Variants in SMC5 observed in about 807,000 individuals in gnomAD.
The protein encoded by SMC5 is structural maintenance of chromosomes protein 5.
In SMC5, 88 loss-of-function variants were observed where a neutral mutation model predicts 148.3. That is an observed-to-expected ratio of 0.59 (90% CI 0.50 to 0.71). The LOEUF is 0.71. Among genes scored for constraint, SMC5 ranks in the 30% least tolerant of loss-of-function variants. SMC5 has a pLI of 0.00. For missense variants in SMC5, 1,142 were observed against 1,298.9 expected (o/e 0.88, Z 1.86); for synonymous variants, 421 against 432.8 (o/e 0.97, Z 0.34).
chr9:70,318,540 G>T lies in SMC5; in HGVS notation c.1833G>T (p.Gln611His), dbSNP rs2035867568. 1 of 1,609,352 alleles carries T rather than the reference G, an allele frequency of 6.2e-7. No individual in the cohort carries two copies. The highest frequency in any genetic ancestry group is 1.3e-5 in the African/African-American group (1 of 74,730). ...ERVIQETRLK[Q>H]IYTAEEKYVV... The stretch of plus-strand genomic sequence containing the variant: ...TAATACAAGAAACCCGATTAAAACA[G>T]ATTTATACAGCAGAAGAAAAGTATG... The change falls in exon 14 of 25, where the codon CAG (glutamine) becomes CAT (histidine). Residue 611 changes from glutamine to histidine, a missense_variant. Physicochemically the swap from Gln to His is conservative, Grantham distance 24. Transcript: ENST00000361138.
chr9:70,344,469 T>G, intron 18 of SMC5, 200 bp downstream of exon 18: 1 of 230,978 alleles, frequency 4.3e-6, no homozygotes, highest in Non-Finnish European at 8.4e-6. Context: ...ACTATAACAT[T>G]TATTCTTCCA....
chr9:70,266,770 A>G (rs2034302561), intron 2 of SMC5, among the ~76,000 whole-genome samples: 1 of 152,212 alleles, frequency 6.6e-6, no homozygotes, highest in Non-Finnish European at 1.5e-5. Context: ...CACCATCTGT[A>G]TGGATACTTT....
chr9:70,313,714 G>A (rs942721876), intron 11 of SMC5, among the ~76,000 whole-genome samples: 11 of 152,024 alleles, frequency 7.2e-5, no homozygotes, highest in Non-Finnish European at 2.9e-5. Context: ...TGGTCGGGCT[G>A]GTCTTGAACT....
chr9:70,318,467 C>T (rs780258720), intron 13 of SMC5, 47 bp from the exon 14 acceptor site: 42 of 1,356,930 alleles, frequency 3.1e-5, no homozygotes, highest in Non-Finnish European at 4.1e-5. Context: ...TACTTTAAAA[C>T]ATATAATTTA....
chr9:70,319,362 C>T (rs2035891243), intron 15 of SMC5, among the ~76,000 whole-genome samples: 1 of 152,014 alleles, frequency 6.6e-6, no homozygotes, highest in Non-Finnish European at 1.5e-5. Flanking sequence ...TATGTGTTAA[C>T]ATAAAAATGT....
intron 10 of SMC5, among the ~76,000 whole-genome samples, chr9:70,301,067 C>G (rs1389156869): frequency 6.6e-6 from 1 of 151,996 alleles, no homozygotes; most frequent in African/African-American, 2.4e-5. Flanking sequence ...ATAACATTCT[C>G]TTATTCACAT....
At chr9:70,322,284 C>A (rs2035968034) in intron 15 of SMC5, among the ~76,000 whole-genome samples, 1 of 152,152 alleles carries the variant, frequency 6.6e-6, no homozygotes, top group Admixed American at 6.5e-5. Context: ...AAACGCTCAA[C>A]CTTTATTGCG....
intron 18 of SMC5, chr9:70,344,651 A>G (rs2036619292): frequency 6.6e-6 from 1 of 152,098 alleles, no homozygotes; most frequent in African/African-American, 2.4e-5. Flanking sequence ...TGAGAGCTGA[A>G]TATTTAAGGC....
chr9:70,352,201 A>G lies in SMC5; in HGVS notation c.3176A>G (p.Asn1059Ser), dbSNP rs774193877. The change falls in exon 25 of 25, where the codon AAT becomes AGT. Residue 1059 changes from asparagine to serine, a missense_variant. This residue lies in a region of SMC5 where 63 missense variants were observed against 65.7 expected (regional missense o/e 0.96). Transcript: ENST00000361138. ...TTTTAATACTTACAGCTCCTGCAAAATCTTCCTTATTCTGAAAAGATGACA... is the reference window on the plus strand; with the variant it reads ...TTTTAATACTTACAGCTCCTGCAAAGTCTTCCTTATTCTGAAAAGATGACA... ...YFFITPKLLQ[N>S]LPYSEKMTVL... 2 of 1,608,092 alleles carry G rather than the reference A, an allele frequency of 1.2e-6. No individual in the cohort carries two copies. Among genetic ancestry groups the G allele is most frequent in the Non-Finnish European group, 1.7e-6 (2 of 1,178,404 alleles).
chr9:70,325,157 G>A (rs745922328), intron 17 of SMC5, among the ~76,000 whole-genome samples: 20 of 152,186 alleles, frequency 1.3e-4, no homozygotes, highest in Non-Finnish European at 2.4e-4. Context: ...AAATCATACA[G>A]TTGATCTTTG....
chr9:70,327,571 G>A (rs1587698101), intron 17 of SMC5, among the ~76,000 whole-genome samples: 1 of 152,160 alleles, frequency 6.6e-6, no homozygotes, highest in Admixed American at 6.5e-5. Context: ...ACTGGCTTGT[G>A]ACTTTGAAAA....
At chr9:70,260,576 G>C (rs946501962) in intron 1 of SMC5, among the ~76,000 whole-genome samples, 1 of 152,052 alleles carries the variant, frequency 6.6e-6, no homozygotes, top group Non-Finnish European at 1.5e-5. Flanking sequence ...AGCTCAGTAG[G>C]TTATTTTGCC....
At chr9:70,333,499 G>A (rs1294353059) in intron 17 of SMC5, among the ~76,000 whole-genome samples, 1 of 152,116 alleles carries the variant, frequency 6.6e-6, no homozygotes, top group Non-Finnish European at 1.5e-5. Flanking sequence ...GGGAGGCCGA[G>A]GTGGCCAGAT....
At chr9:70,261,431 AAG>A (rs2034129977) in intron 1 of SMC5, among the ~76,000 whole-genome samples, 1 of 152,204 alleles carries the variant, frequency 6.6e-6, no homozygotes, top group Non-Finnish European at 1.5e-5. Context: ...GCATGGGGGA[AAG>A]GGAGGAATGC....
chr9:70,299,789 T>C (rs998655917), intron 9 of SMC5, among the ~76,000 whole-genome samples: 1 of 120,802 alleles, frequency 8.3e-6, no homozygotes, highest in African/African-American at 3.2e-5. Flanking sequence ...GTGGGTTTTT[T>C]TGTTTGTTTG....
chr9:70,281,043 CTT>C (rs895384041), intron 6 of SMC5, 144 bp downstream of exon 6: 519 of 630,094 alleles, frequency 8.2e-4, no homozygotes, highest in Middle Eastern at 1.5e-3. Flanking sequence ...AAATTCATGT[CTT>C]TTTTTTTTTT....
chr9:70,283,656 C>G (rs1213915343), intron 7 of SMC5, among the ~76,000 whole-genome samples: 1 of 152,046 alleles, frequency 6.6e-6, no homozygotes, highest in East Asian at 1.9e-4. Context: ...TGATGTTGGC[C>G]ACTGTGCTTG....
Position 70,353,601 on chromosome 9 carries a change from G to C in SMC5, c.*1270G>C, listed in dbSNP as rs1172475064. On this transcript the variant is annotated 3_prime_UTR_variant, in exon 25 of 25. Transcript: ENST00000361138. ...CAGTTTGGGTTTTGTATATTCTTAA[G>C]TAGCCATTGAAATTTATATTCTTAA... The C allele has an allele frequency of 6.6e-6, 1 of 152,092 alleles. No homozygotes were observed. The highest frequency in any genetic ancestry group is 1.5e-5 in the Non-Finnish European group (1 of 67,996). The allele number at this position is 152,092 out of a possible 1,614,324, so 9.4% of individuals were successfully genotyped here. A position where few individuals can be genotyped will look rare whatever the true frequency, so the allele number is the denominator to read the frequency against.
chr9:70,304,183 G>C (rs2035437600), intron 10 of SMC5, among the ~76,000 whole-genome samples: 1 of 152,020 alleles, frequency 6.6e-6, no homozygotes, highest in African/African-American at 2.4e-5. Context: ...CAAACTCCTG[G>C]GCTTAAGCGA....
Sources: allele counts gnomAD v4.1 joint callset (sites outside exome capture counted in the v4.1 genomes callset), GRCh38; gene constraint gnomAD v4.1.1; regional missense constraint gnomAD v4.1.1; transcripts MANE v1.5; gene names NCBI Gene and HGNC (gene_info 2026-07-23, HGNC 2026-07-21).